Variants in LONP1 observed in about 807,000 individuals in gnomAD.
The protein encoded by LONP1 is lon protease homolog, mitochondrial.
LONP1 carries 31 observed loss-of-function variants against 98.5 expected under a neutral mutation model. That is an observed-to-expected ratio of 0.31 (90% CI 0.24 to 0.42). The LOEUF is 0.42. Ranked by LOEUF, LONP1 falls within the 20% of genes least tolerant of loss-of-function variation. The pLI is 1.00. For synonymous variants in LONP1, 781 were observed against 594.7 expected (o/e 1.31, Z -4.56); for missense variants, 1,336 against 1,350.6 (o/e 0.99, Z 0.17).
At chr19:5,707,199 G>C in intron 6 of LONP1, 56 bp from the exon 7 acceptor site, 1 of 1,449,908 alleles carries the variant, frequency 6.9e-7, no homozygotes, top group Non-Finnish European at 9.6e-7. Flanking sequence ...TGTGTGTGTA[G>C]GGCCGAGGTT....
chr19:5,709,890 C>G (rs1284375442), intron 4 of LONP1, among the ~76,000 whole-genome samples: 6 of 109,382 alleles, frequency 5.5e-5, no homozygotes, highest in African/African-American at 1.1e-4. Context: ...CCAGCCTGGG[C>G]GACAGAGGCT....
At chr19:5,720,419 T>C, upstream of LONP1, 1 of 578,058 alleles carries the variant, frequency 1.7e-6, no homozygotes, top group Non-Finnish European at 3.0e-6. Flanking sequence ...AAACGCAACG[T>C]TTAGGAACTC....
At chr19:5,702,812 G>A (rs1204362630) in intron 8 of LONP1, among the ~76,000 whole-genome samples, 2 of 151,258 alleles carry the variant, frequency 1.3e-5, no homozygotes, top group Non-Finnish European at 2.9e-5. Flanking sequence ...ACAGATGCTT[G>A]AAGGCAGCAT....
At chr19:5,716,256 A>ATACATATAT (rs1296773754) in intron 1 of LONP1, among the ~76,000 whole-genome samples, 1 of 84,914 alleles carries the variant, frequency 1.2e-5, no homozygotes, top group African/African-American at 4.9e-5. Flanking sequence ...AAGTTAAAAT[A>ATACATATAT]TACATATATA....
At chr19:5,696,226 C>G in intron 12 of LONP1, 23 bp downstream of exon 12, 3 of 1,612,964 alleles carry the variant, frequency 1.9e-6, no homozygotes, top group Non-Finnish European at 2.5e-6. Context: ...CCAGCAAGCC[C>G]AGGCCCCAGA....
At chr19:5,693,971 G>A (rs556701106) in intron 15 of LONP1, among the ~76,000 whole-genome samples, 2 of 152,280 alleles carry the variant, frequency 1.3e-5, no homozygotes, top group Admixed American at 1.3e-4. Flanking sequence ...CGCCCCACAG[G>A]GCAGCCCCCA....
At chr19:5,695,541 G>A (rs2054910166) in intron 13 of LONP1, among the ~76,000 whole-genome samples, 1 of 152,184 alleles carries the variant, frequency 6.6e-6, no homozygotes, top group South Asian at 2.1e-4. Context: ...GAGGATGCTG[G>A]GAGGGCCTCA....
rs769200423 is a variant in LONP1, at chr19:5,714,310, A to ATTTTTTT, written c.430-46_430-40dup. 353 of 1,360,116 alleles carry ATTTTTTT rather than the reference A, an allele frequency of 2.6e-4. 1 individual carries two copies. Among genetic ancestry groups the ATTTTTTT allele is most frequent in the Admixed American group, 8.0e-4 (42 of 52,358 alleles). The allele number at this position is 1,360,116 out of a possible 1,614,324, so 84.3% of individuals were successfully genotyped here. ...GACCCCAAAGTGAAATGCAGAGTAG[A>ATTTTTTT]TTTTTTTTTTGAGACAGAGTCTCAT... On this transcript the variant is annotated intron_variant, in intron 1 of 17. Coordinates refer to ENST00000360614, the MANE Select transcript of LONP1 (RefSeq NM_004793.4).
chr19:5,695,961 G>GCCCAGGAGCT (rs1019622037), intron 13 of LONP1, 93 bp downstream of exon 13: 1 of 1,128,558 alleles, frequency 8.9e-7, no homozygotes. Flanking sequence ...TCTCTCCCGG[G>GCCCAGGAGCT]CCCAGGAGCT....
intron 9 of LONP1, 136 bp downstream of exon 9, chr19:5,700,653 G>A (rs528170865): frequency 3.4e-4 from 427 of 1,240,336 alleles, no homozygotes; most frequent in Non-Finnish European, 3.8e-4. Context: ...TACCTCCGCC[G>A]GGATCCCCCC....
At chr19:5,707,339 G>C (rs1410492232) in intron 6 of LONP1, among the ~76,000 whole-genome samples, 196 bp from the exon 7 acceptor site, 1 of 152,142 alleles carries the variant, frequency 6.6e-6, no homozygotes, top group Non-Finnish European at 1.5e-5. Context: ...TACTTCACAG[G>C]CCCTCCAGCT....
At chr19:5,718,745 G>T (rs1231441904) in intron 1 of LONP1, among the ~76,000 whole-genome samples, 1 of 151,866 alleles carries the variant, frequency 6.6e-6, no homozygotes, top group Non-Finnish European at 1.5e-5. Context: ...GGCTTTTGGG[G>T]CCTTCCTACT....
intron 2 of LONP1, 112 bp downstream of exon 2, chr19:5,714,071 C>T (rs1232644191): frequency 1.3e-6 from 1 of 766,596 alleles, no homozygotes; most frequent in East Asian, 2.7e-5. Context: ...TGGAGGTCTT[C>T]CCTGGTTTCC....
intron 1 of LONP1, among the ~76,000 whole-genome samples, chr19:5,716,594 A>G (rs1369963264): frequency 6.6e-6 from 1 of 151,180 alleles, no homozygotes; most frequent in Non-Finnish European, 1.5e-5. Context: ...AAAAGTCAGT[A>G]ACATCTGACA....
At chr19:5,720,323 C>T, upstream of LONP1, 1 of 839,498 alleles carries the variant, frequency 1.2e-6, no homozygotes. Flanking sequence ...TTCCGGTCTC[C>T]CACTTTATGC....
At chr19:5,698,800 C>T (rs1324105532) in intron 10 of LONP1, among the ~76,000 whole-genome samples, 1 of 152,222 alleles carries the variant, frequency 6.6e-6, no homozygotes, top group African/African-American at 2.4e-5. Flanking sequence ...AGTCTCTCTC[C>T]CAGGGGTCAA....
intron 1 of LONP1, among the ~76,000 whole-genome samples, chr19:5,716,259 C>CATATATATATATATATATATATATAT (rs3082272): frequency 7.8e-5 from 6 of 77,234 alleles, no homozygotes; most frequent in Non-Finnish European, 1.2e-4. Context: ...TTAAAATATA[C>CATATATATATATATATATATATATAT]ATATATATAT....
intron 3 of LONP1, 80 bp from the exon 4 acceptor site, chr19:5,712,082 G>C: frequency 5.0e-6 from 6 of 1,194,554 alleles, no homozygotes; most frequent in Non-Finnish European, 7.1e-6. Context: ...TGGTGGCACA[G>C]GTGGTCCAAG....
rs1694597967 is a variant in LONP1 at position 5,711,907 on chromosome 19, T to G, written c.734A>C (p.Glu245Ala). Reference sequence around the variant, plus strand: ...CCTGGCGCTCAGCTCGTCCTCCGCCTCCTTCTTGCCCCGCTTTGACTTCCT... The same window carrying G: ...CCTGGCGCTCAGCTCGTCCTCCGCCGCCTTCTTGCCCCGCTTTGACTTCCT... ...PRRKSKRGKKEAEDELSARHP... is the reference protein window; with the variant it reads ...PRRKSKRGKKAAEDELSARHP... The change falls in exon 4 of 18, where the codon GAG (glutamate) becomes GCG (alanine). Residue 245 changes from glutamate (E) to alanine (A), a missense_variant. Transcript: ENST00000360614. 1 of 1,613,118 alleles carries G rather than the reference T, an allele frequency of 6.2e-7. No homozygotes were observed. The highest frequency in any genetic ancestry group is 8.5e-7 in the Non-Finnish European group (1 of 1,179,756).
Sources: gnomAD v4.1 joint callset for allele counts (sites outside exome capture counted in the v4.1 genomes callset) on GRCh38, gnomAD v4.1.1 for gene constraint, MANE v1.5 for transcripts, NCBI Gene and HGNC (gene_info 2026-07-23, HGNC 2026-07-21) for gene names.